The following PLCL1 variants were observed in gnomAD, a reference collection of about 807,000 sequenced individuals.
PLCL1 encodes the protein phospholipase C like 1 (inactive).
PLCL1 carries 41 observed loss-of-function variants against 84.4 expected under a neutral mutation model. The ratio of observed to expected loss-of-function variants is 0.49; its 90% CI spans 0.38 to 0.63. The LOEUF (loss-of-function observed/expected upper bound fraction) is 0.63, where lower values mean the gene tolerates loss of function less well. Ranked by LOEUF, PLCL1 falls within the 30% of genes least tolerant of loss-of-function variation. The pLI is 0.00. For synonymous variants in PLCL1, 490 were observed against 488.3 expected, an observed-to-expected ratio of 1.00 and a Z score of -0.05; for missense variants, 1,206 against 1,367.8, an observed-to-expected ratio of 0.88 and a Z score of 1.87.
intron 5 of PLCL1, among the ~76,000 whole-genome samples, chr2:198,113,006 A>T (rs1693657470): frequency 6.6e-6 from 1 of 151,954 alleles, no homozygotes; most frequent in Admixed American, 6.6e-5. Context: ...ACACAAAAGA[A>T]AATATTATTA....
At chr2:198,122,249 CA>C (rs1160259171) in intron 5 of PLCL1, among the ~76,000 whole-genome samples, 3 of 151,922 alleles carry the variant, frequency 2.0e-5, no homozygotes, top group African/African-American at 7.2e-5. Flanking sequence ...TTTGGTTGCT[CA>C]TAAGAGGATA....
At chr2:198,089,412 G>C (rs1052318214) in intron 3 of PLCL1, among the ~76,000 whole-genome samples, 14 of 152,182 alleles carry the variant, frequency 9.2e-5, no homozygotes, top group African/African-American at 3.4e-4. Context: ...ATGTCTCAGT[G>C]CTGCCTTATG....
At position 197,833,416 on chromosome 2, in the gene PLCL1, T is replaced by C. The variant is rs570713184; in HGVS notation, c.240+28077T>C. Among the ~76,000 whole-genome samples the C allele has an allele frequency of 4.6e-5, 7 of 152,308 alleles. No individual in the cohort carries two copies. The East Asian group carries it at 1.4e-3, about 29-fold the overall frequency. On this transcript the variant is annotated intron_variant, in intron 1 of 5. Transcript: ENST00000428675. Reference sequence around the variant, plus strand: ...TCTGTTTGCAGATGGCATGATTGTATATTTAGAAAACCCCATCTTCTCTGC... The same window carrying C: ...TCTGTTTGCAGATGGCATGATTGTACATTTAGAAAACCCCATCTTCTCTGC...
intron 5 of PLCL1, among the ~76,000 whole-genome samples, chr2:198,109,829 C>T (rs1693572254): frequency 6.6e-6 from 1 of 151,628 alleles, no homozygotes; most frequent in African/African-American, 2.4e-5. Context: ...GTCCTGTTGG[C>T]TATTTTAAGA....
chr2:197,853,938 A>G (rs965421812), intron 1 of PLCL1, among the ~76,000 whole-genome samples: 1 of 152,142 alleles, frequency 6.6e-6, no homozygotes, highest in East Asian at 1.9e-4. Context: ...TATAGGATCT[A>G]TCTGGAGGGG....
intron 1 of PLCL1, among the ~76,000 whole-genome samples, chr2:198,010,126 GTTC>G (rs1310539912): frequency 2.6e-5 from 4 of 151,818 alleles, no homozygotes; most frequent in Non-Finnish European, 5.9e-5. Context: ...GACAATTTAG[GTTC>G]TTCTTTTCCA....
At chr2:198,123,713 A>G (rs1274115980) in intron 5 of PLCL1, among the ~76,000 whole-genome samples, 1 of 152,076 alleles carries the variant, frequency 6.6e-6, no homozygotes, top group Non-Finnish European at 1.5e-5. Context: ...TGCAGCAATG[A>G]GCATTGCTGC....
At chr2:198,104,218 T>G (rs948847939) in intron 5 of PLCL1, among the ~76,000 whole-genome samples, 5 of 152,010 alleles carry the variant, frequency 3.3e-5, no homozygotes, top group Non-Finnish European at 5.9e-5. Flanking sequence ...TAGTCCCTGG[T>G]GTCTGCTGTT....
At chr2:197,923,949 G>A (rs1051864019) in intron 1 of PLCL1, among the ~76,000 whole-genome samples, 3 of 151,768 alleles carry the variant, frequency 2.0e-5, no homozygotes, top group Middle Eastern at 3.2e-3. Flanking sequence ...CGCGGTTAGG[G>A]GCTGGAGACC....
chr2:197,917,709 C>A (rs1688623350), intron 1 of PLCL1, among the ~76,000 whole-genome samples: 1 of 152,042 alleles, frequency 6.6e-6, no homozygotes, highest in South Asian at 2.1e-4. Flanking sequence ...GGAACCAAGG[C>A]TCCTTATGTA....
At chr2:198,080,957 C>T (rs1692697390) in intron 1 of PLCL1, among the ~76,000 whole-genome samples, 1 of 152,100 alleles carries the variant, frequency 6.6e-6, no homozygotes, top group African/African-American at 2.4e-5. Context: ...GAAGGCTTGG[C>T]ATTCTAGGAG....
intron 1 of PLCL1, among the ~76,000 whole-genome samples, chr2:197,860,507 G>C (rs1687409800): frequency 6.6e-6 from 1 of 152,102 alleles, no homozygotes; most frequent in South Asian, 2.1e-4. Flanking sequence ...GTGTATAAGT[G>C]TTCCCTTTTC....
intron 1 of PLCL1, among the ~76,000 whole-genome samples, chr2:198,059,742 T>C (rs911795215): frequency 6.6e-6 from 1 of 152,068 alleles, no homozygotes; most frequent in African/African-American, 2.4e-5. Flanking sequence ...TCTCAGGAAA[T>C]TGGGAAAGGT....
chr2:198,144,125 T>A (rs1016825093), intron 5 of PLCL1, among the ~76,000 whole-genome samples: 1 of 152,198 alleles, frequency 6.6e-6, no homozygotes, highest in Non-Finnish European at 1.5e-5. Flanking sequence ...ATATGTTTCA[T>A]GCCATGCTGT....
chr2:198,087,768 C>T (rs1460440611), intron 2 of PLCL1, among the ~76,000 whole-genome samples: 1 of 152,022 alleles, frequency 6.6e-6, no homozygotes, highest in Non-Finnish European at 1.5e-5. Context: ...ATATTGCATG[C>T]CTGTATCAAG....
chr2:197,830,175 C>T (rs1035891322), intron 1 of PLCL1, among the ~76,000 whole-genome samples: 7 of 151,792 alleles, frequency 4.6e-5, no homozygotes, highest in African/African-American at 1.5e-4. Flanking sequence ...ATGAGTTTGA[C>T]GAATTCACAG....
intron 1 of PLCL1, among the ~76,000 whole-genome samples, chr2:198,012,198 G>A (rs1690882817): frequency 6.6e-6 from 1 of 152,098 alleles, no homozygotes; most frequent in Non-Finnish European, 1.5e-5. Flanking sequence ...CAGTGCAGGT[G>A]AAGAACTTTG....
rs552957902 is a variant in PLCL1, at chr2:197,942,747, T to C, written c.240+137408T>C. ...TCAGAAGTACTGTCCTGATTTATCC[T>C]TGATGTGTTCATCACAGGTTCTCTT... On this transcript the variant is annotated intron_variant, in intron 1 of 5. Transcript: ENST00000428675. Among the ~76,000 whole-genome samples the C allele has an allele frequency of 1.2e-4, 19 of 152,358 alleles. No individual in the cohort carries two copies. The East Asian group carries it at 1.5e-3, about 12-fold the overall frequency.
chr2:197,944,654 A>C (rs1574962036), intron 1 of PLCL1, among the ~76,000 whole-genome samples: 1 of 152,132 alleles, frequency 6.6e-6, no homozygotes, highest in East Asian at 1.9e-4. Flanking sequence ...GTTAACAATA[A>C]CTCTTGCAAG....
Sources: gnomAD v4.1 joint callset for allele counts (sites outside exome capture counted in the v4.1 genomes callset) on GRCh38, gnomAD v4.1.1 for gene constraint, MANE v1.5 for transcripts, NCBI Gene and HGNC (gene_info 2026-07-23, HGNC 2026-07-21) for gene names.